The following LIPC variants were observed in gnomAD, a reference collection of about 807,000 sequenced individuals.
LIPC encodes hepatic triacylglycerol lipase.
In LIPC, 44 loss-of-function variants were observed where a neutral mutation model predicts 50.7. The ratio of observed to expected loss-of-function variants is 0.87; its 90% CI spans 0.68 to 1.11. The LOEUF (loss-of-function observed/expected upper bound fraction) is 1.11. LIPC is among the 50% of genes most tolerant of loss of function. The probability of loss-of-function intolerance (pLI) is 0.00; values close to 1 mark genes in which losing one functional copy is unlikely to be tolerated. For synonymous variants in LIPC, 271 were observed against 256.4 expected (o/e 1.06, Z -0.54); for missense variants, 697 against 648.2 (o/e 1.08, Z -0.82).
At chr15:58,476,033 G>A (rs533552516) in intron 1 of LIPC, among the ~76,000 whole-genome samples, 3 of 152,362 alleles carry the variant, frequency 2.0e-5, no homozygotes, top group East Asian at 1.9e-4. Context: ...ACCAGGCAGC[G>A]TGCCAAGCAC....
intron 1 of LIPC, among the ~76,000 whole-genome samples, chr15:58,502,956 T>A (rs964101601): frequency 8.5e-5 from 12 of 140,524 alleles, no homozygotes; most frequent in South Asian, 2.3e-4. Flanking sequence ...AAACATTGTT[T>A]AAAAAAAAAA....
intron 4 of LIPC, 77 bp downstream of exon 4, chr15:58,542,728 C>A: frequency 1.1e-6 from 1 of 951,634 alleles, no homozygotes; most frequent in Non-Finnish European, 1.7e-6. Context: ...TTCCAACAGG[C>A]TCATCATTAA....
intron 1 of LIPC, chr15:58,436,688 A>T (rs1321202416): frequency 2.2e-6 from 1 of 456,172 alleles, no homozygotes; most frequent in Admixed American, 2.3e-5. Flanking sequence ...GCTAGAACAG[A>T]ACATGGCATG....
chr15:58,541,628 C>A (rs1595934690), intron 2 of LIPC, 157 bp from the exon 3 acceptor site: 3 of 762,394 alleles, frequency 3.9e-6, no homozygotes, highest in Non-Finnish European at 6.7e-6. Flanking sequence ...AGACAGCCCC[C>A]ACAACAAGGA....
intron 1 of LIPC, among the ~76,000 whole-genome samples, chr15:58,457,276 A>T (rs1894162426): frequency 6.6e-6 from 1 of 152,046 alleles, no homozygotes; most frequent in Non-Finnish European, 1.5e-5. Flanking sequence ...CGCCTGGCTA[A>T]TTTTTGTATT....
chr15:58,485,013 A>G (rs1022643961), intron 1 of LIPC, among the ~76,000 whole-genome samples: 2 of 152,218 alleles, frequency 1.3e-5, no homozygotes, highest in Non-Finnish European at 2.9e-5. Flanking sequence ...AGGCTAAAAC[A>G]TGAGCAGCAA....
chr15:58,437,004 G>A (rs1566905998), intron 1 of LIPC: 1 of 386,924 alleles, frequency 2.6e-6, no homozygotes, highest in Non-Finnish European at 5.1e-6. Flanking sequence ...GAATGCCCAA[G>A]TGCAAACCAC....
At chr15:58,489,386 G>C (rs1437508354) in intron 1 of LIPC, among the ~76,000 whole-genome samples, 2 of 152,160 alleles carry the variant, frequency 1.3e-5, no homozygotes, top group Non-Finnish European at 2.9e-5. Flanking sequence ...GCAGAAGACA[G>C]TTATTACTCC....
intron 6 of LIPC, among the ~76,000 whole-genome samples, chr15:58,556,663 T>C (rs1893966581): frequency 6.6e-6 from 1 of 152,244 alleles, no homozygotes; most frequent in African/African-American, 2.4e-5. Flanking sequence ...TTTCACTTCT[T>C]TCATAAGCAT....
chr15:58,542,167 A>G (rs958469495), intron 3 of LIPC, among the ~76,000 whole-genome samples, 200 bp downstream of exon 3: 4 of 152,076 alleles, frequency 2.6e-5, no homozygotes, highest in Admixed American at 1.3e-4. Flanking sequence ...GTTTCACAGA[A>G]CCACCTTCTC....
intron 1 of LIPC, among the ~76,000 whole-genome samples, chr15:58,472,271 A>G (rs1204298143): frequency 0.03 from 431 of 14,376 alleles, 1 homozygote; most frequent in Admixed American, 0.12. Flanking sequence ...ATTTGGTCTC[A>G]AAAAAAAAAA....
At chr15:58,541,608 A>G in intron 2 of LIPC, 177 bp from the exon 3 acceptor site, 2 of 688,558 alleles carry the variant, frequency 2.9e-6, no homozygotes, top group Non-Finnish European at 5.1e-6. Context: ...TAAACATCGT[A>G]CAATGCCCAA....
At chr15:58,535,720 T>A (rs1324075180) in intron 1 of LIPC, among the ~76,000 whole-genome samples, 1 of 152,242 alleles carries the variant, frequency 6.6e-6, no homozygotes, top group Non-Finnish European at 1.5e-5. Context: ...TAATTACATG[T>A]CAGGCATTGT....
intron 1 of LIPC, among the ~76,000 whole-genome samples, chr15:58,439,139 C>T (rs1215104837): frequency 6.6e-6 from 1 of 152,094 alleles, no homozygotes; most frequent in Non-Finnish European, 1.5e-5. Flanking sequence ...GTTTATGTCC[C>T]AACATGAAGA....
At chr15:58,475,471 A>T (rs1251343944) in intron 1 of LIPC, among the ~76,000 whole-genome samples, 1 of 151,526 alleles carries the variant, frequency 6.6e-6, no homozygotes, top group Non-Finnish European at 1.5e-5. Context: ...TGCCCAACAC[A>T]CTCCCGTTCT....
chr15:58,485,799 G>A (rs1163814828), intron 1 of LIPC, among the ~76,000 whole-genome samples: 1 of 152,238 alleles, frequency 6.6e-6, no homozygotes, highest in African/African-American at 2.4e-5. Context: ...GGAGAGGTGG[G>A]CTTGGCCCTT....
At chr15:58,461,846 G>A (rs1302531336) in intron 1 of LIPC, among the ~76,000 whole-genome samples, 1 of 151,884 alleles carries the variant, frequency 6.6e-6, no homozygotes, top group Non-Finnish European at 1.5e-5. Context: ...CCCCGGTTCC[G>A]ATTCCCTTCA....
At chr15:58,474,387 C>T (rs1467367223) in intron 1 of LIPC, among the ~76,000 whole-genome samples, 3 of 152,040 alleles carry the variant, frequency 2.0e-5, no homozygotes, top group Non-Finnish European at 4.4e-5. Flanking sequence ...GCTTGATGGT[C>T]CCACCTGTGG....
chr15:58,456,285 C>T (rs574457667), intron 1 of LIPC: 2 of 152,238 alleles, frequency 1.3e-5, no homozygotes, highest in Admixed American at 1.3e-4. Context: ...CAAAATTTTA[C>T]ATTTGCATTA....
Sources: gnomAD v4.1 joint callset for allele counts (sites outside exome capture counted in the v4.1 genomes callset) on GRCh38, gnomAD v4.1.1 for gene constraint, MANE v1.5 for transcripts, NCBI Gene and HGNC (gene_info 2026-07-23, HGNC 2026-07-21) for gene names.